Variants in TRDN observed in about 807,000 individuals in gnomAD.
TRDN encodes the protein triadin in skeletal muscle.
TRDN carries 161 observed loss-of-function variants against 149.7 expected under a neutral mutation model. The observed-to-expected ratio is 1.08, with a 90% confidence interval of 0.95 to 1.23. The LOEUF is 1.23. TRDN is among the 50% of genes most tolerant of loss of function. The pLI is 0.00. For synonymous variants in TRDN, 294 were observed against 250.5 expected (o/e 1.17, Z -1.64); for missense variants, 896 against 823.5 (o/e 1.09, Z -1.08).
chr6:123,291,404 A>T (rs1177698670), intron 24 of TRDN, among the ~76,000 whole-genome samples: 1 of 152,030 alleles, frequency 6.6e-6, no homozygotes, highest in African/African-American at 2.4e-5. Flanking sequence ...CTCTACTAAA[A>T]AATACAAAAA....
intron 23 of TRDN, among the ~76,000 whole-genome samples, chr6:123,319,314 G>A (rs1334306284): frequency 1.3e-5 from 2 of 151,794 alleles, no homozygotes; most frequent in African/African-American, 4.8e-5. Flanking sequence ...TCTAAGTTGA[G>A]CAGCTCTTTT....
chr6:123,529,391 G>C (rs1471540870), intron 5 of TRDN: 3 of 1,526,300 alleles, frequency 2.0e-6, no homozygotes, highest in Admixed American at 3.9e-5. Context: ...AACTGAGTGA[G>C]CTTCAATGTT....
intron 6 of TRDN, among the ~76,000 whole-genome samples, chr6:123,514,735 T>G (rs1391684019): frequency 3.3e-5 from 5 of 151,922 alleles, no homozygotes; most frequent in Non-Finnish European, 5.9e-5. Flanking sequence ...AAACCATATT[T>G]GAATCTTTCA....
intron 7 of TRDN, among the ~76,000 whole-genome samples, chr6:123,506,088 C>T (rs764022958): frequency 6.6e-6 from 1 of 152,138 alleles, no homozygotes; most frequent in African/African-American, 2.4e-5. Flanking sequence ...CAGAATTCCA[C>T]ACTGGAATGT....
At chr6:123,373,708 T>C (rs1781406170) in intron 19 of TRDN, among the ~76,000 whole-genome samples, 1 of 152,182 alleles carries the variant, frequency 6.6e-6, no homozygotes, top group South Asian at 2.1e-4. Flanking sequence ...AATTCAACAT[T>C]ATGGAATTGC....
chr6:123,613,436 TC>T (rs1784910849), intron 1 of TRDN, among the ~76,000 whole-genome samples: 1 of 152,220 alleles, frequency 6.6e-6, no homozygotes, highest in African/African-American at 2.4e-5. Context: ...AGCATATTTT[TC>T]AACACTAATC....
intron 38 of TRDN, among the ~76,000 whole-genome samples, chr6:123,224,578 C>T (rs2114506508): frequency 6.6e-6 from 1 of 151,822 alleles, no homozygotes; most frequent in East Asian, 1.9e-4. Context: ...TTTGACAATT[C>T]TAAAAAGCCC....
intron 2 of TRDN, among the ~76,000 whole-genome samples, chr6:123,567,018 A>G (rs1782328130): frequency 6.6e-6 from 1 of 152,226 alleles, no homozygotes; most frequent in Non-Finnish European, 1.5e-5. Flanking sequence ...TATAGTTCAC[A>G]GTAGAGCTTC....
intron 1 of TRDN, among the ~76,000 whole-genome samples, chr6:123,585,647 A>T (rs996045948): frequency 6.6e-6 from 1 of 152,116 alleles, no homozygotes; most frequent in Non-Finnish European, 1.5e-5. Context: ...GGTGAGTTGG[A>T]CAGTCCGATT....
chr6:123,370,916 T>TTTC (rs1781299659), intron 19 of TRDN, among the ~76,000 whole-genome samples: 1 of 151,502 alleles, frequency 6.6e-6, no homozygotes. Context: ...TCTTTGTCTT[T>TTTC]TTTTTTTTTA....
intron 24 of TRDN, among the ~76,000 whole-genome samples, chr6:123,294,522 C>G (rs1039679770): frequency 2.6e-5 from 4 of 152,256 alleles, no homozygotes; most frequent in Non-Finnish European, 4.4e-5. Context: ...TGTTCCACCT[C>G]AGATCATCAG....
chr6:123,266,564 ATATAT>A (rs1399291158), intron 32 of TRDN, among the ~76,000 whole-genome samples: 1 of 69,876 alleles, frequency 1.4e-5, no homozygotes, highest in African/African-American at 6.6e-5. Flanking sequence ...TATATAATAT[ATATAT>A]TATAATATGT....
At chr6:123,386,381 T>C (rs1781907799) in intron 14 of TRDN, among the ~76,000 whole-genome samples, 2 of 152,172 alleles carry the variant, frequency 1.3e-5, no homozygotes, top group African/African-American at 2.4e-5. Flanking sequence ...TGCCACATTG[T>C]ATATGTAAAA....
At chr6:123,339,816 A>G (rs889530183) in intron 21 of TRDN, among the ~76,000 whole-genome samples, 1 of 152,260 alleles carries the variant, frequency 6.6e-6, no homozygotes, top group African/African-American at 2.4e-5. Flanking sequence ...TTCAAATCCA[A>G]TCTCATATAA....
intron 12 of TRDN, among the ~76,000 whole-genome samples, chr6:123,395,689 A>G (rs1245561097): frequency 6.6e-6 from 1 of 152,164 alleles, no homozygotes; most frequent in Non-Finnish European, 1.5e-5. Context: ...GTAAAAGTGT[A>G]TTTTAAAGAG....
At position 123,383,112 on chromosome 6, in the gene TRDN, C is replaced by T. The variant is rs117455552; in HGVS notation, c.1136-965G>A. On this transcript the variant is annotated intron_variant, in intron 14 of 40. Transcript: ENST00000334268. The stretch of plus-strand genomic sequence containing the variant: ...ACAGTAGACATTCACTAATAGTTTG[C>T]AAGTTAATGGATTTCTGTGCCTTAC... Among the ~76,000 whole-genome samples, 65 of 152,114 alleles carry T rather than the reference C, an allele frequency of 4.3e-4. No individual in the cohort carries two copies. In the East Asian group the frequency reaches 0.012, roughly 27 times the overall value.
rs1582762932 is a variant in TRDN, at chr6:123,241,076, C to A, written c.1975+11336G>T. Reference sequence around the variant, plus strand: ...TAGTTGTTTTCTGCCACTGAATTATCATTTTATAATTTACTTACTCATTAA... The same window carrying A: ...TAGTTGTTTTCTGCCACTGAATTATAATTTTATAATTTACTTACTCATTAA... On this transcript the variant is annotated intron_variant, in intron 38 of 40. Transcript: ENST00000334268. 2.0e-5 allele frequency among the ~76,000 whole-genome samples: 3 copies of A among 151,820 alleles called. No individual in the cohort carries two copies. In the East Asian group the frequency reaches 5.8e-4, roughly 29 times the overall value.
rs533010144 is a variant in TRDN, at chr6:123,533,211, G to A, written c.425-2646C>T. Among the ~76,000 whole-genome samples, 95 of 152,192 alleles carry A rather than the reference G, an allele frequency of 6.2e-4. 1 individual carries two copies. The highest frequency in any genetic ancestry group is 2.0e-3 in the African/African-American group (84 of 41,524). ...TGCTACATTCACCATGTAATGGGGA[G>A]GCCTTAAAATTGTCATTTAGAATAA... On this transcript the variant is annotated intron_variant, in intron 4 of 40. Coordinates refer to ENST00000334268, the MANE Select transcript of TRDN (RefSeq NM_006073.4).
intron 1 of TRDN, among the ~76,000 whole-genome samples, chr6:123,581,088 C>T (rs991589273): frequency 2.6e-5 from 4 of 152,084 alleles, no homozygotes; most frequent in African/African-American, 4.8e-5. Flanking sequence ...TTTTTTGAAG[C>T]CAGAGATATT....
Sources: gnomAD v4.1 joint callset for allele counts (sites outside exome capture counted in the v4.1 genomes callset) on GRCh38, gnomAD v4.1.1 for gene constraint, MANE v1.5 for transcripts, NCBI Gene and HGNC (gene_info 2026-07-23, HGNC 2026-07-21) for gene names.